The following DOCK3 variants were observed in gnomAD, a reference collection of about 807,000 sequenced individuals.
The protein encoded by DOCK3 is dedicator of cytokinesis protein 3.
Under a neutral mutation model 265.6 loss-of-function variants are expected in DOCK3, and 60 were observed. The ratio of observed to expected loss-of-function variants is 0.23; its 90% CI spans 0.18 to 0.28. The LOEUF is 0.28. DOCK3 is among the 10% of genes least tolerant of loss of function. The probability of loss-of-function intolerance (pLI) is 1.00; values close to 1 mark genes in which losing one functional copy is unlikely to be tolerated. For synonymous variants in DOCK3, 881 were observed against 938.0 expected (o/e 0.94, Z 1.11); for missense variants, 1,981 against 2,594.3 (o/e 0.76, Z 5.14).
At chr3:51,039,883 CTTTTT>C (rs60370676) in intron 5 of DOCK3, among the ~76,000 whole-genome samples, 8 of 99,862 alleles carry the variant, frequency 8.0e-5, no homozygotes, top group African/African-American at 1.9e-4. Context: ...GCTTTGAGGT[CTTTTT>C]TTTTTTTTTT....
At chr3:51,087,116 C>T (rs933947695) in intron 7 of DOCK3, among the ~76,000 whole-genome samples, 1 of 152,164 alleles carries the variant, frequency 6.6e-6, no homozygotes, top group Admixed American at 6.5e-5. Context: ...TTCATCCTAA[C>T]TCATTCTATG....
intron 6 of DOCK3, among the ~76,000 whole-genome samples, chr3:51,066,139 T>G (rs1221669885): frequency 2.0e-5 from 3 of 151,930 alleles, no homozygotes; most frequent in Non-Finnish European, 2.9e-5. Flanking sequence ...AGGCAATACA[T>G]GAGGAAAGAA....
intron 5 of DOCK3, among the ~76,000 whole-genome samples, chr3:50,978,919 C>G (rs2077584234): frequency 6.6e-6 from 1 of 152,200 alleles, no homozygotes; most frequent in African/African-American, 2.4e-5. Flanking sequence ...CAGGTGCTGT[C>G]CGTCACCCCT....
chr3:50,720,743 G>T (rs1250140066), intron 1 of DOCK3, among the ~76,000 whole-genome samples: 1 of 152,312 alleles, frequency 6.6e-6, no homozygotes, highest in South Asian at 2.1e-4. Context: ...GGGTTGAATG[G>T]TAGTTCTGTT....
rs141849975 is a variant in DOCK3, at chr3:50,886,138, G to C, written c.163-3888G>C. ...TATTTTGTGTCTCCCACATTCCCTA[G>C]TTGGTCTGCCTTCTTCTTTCCGCCT... is the stretch of plus-strand genomic sequence containing the variant. On this transcript the variant is annotated intron_variant, in intron 3 of 52. Coordinates refer to ENST00000266037, the MANE Select transcript of DOCK3 (RefSeq NM_004947.5). Among the ~76,000 whole-genome samples, 296 of 150,020 alleles carry C rather than the reference G, an allele frequency of 2.0e-3. 3 individuals are homozygous for C. Among genetic ancestry groups the C allele is most frequent in the African/African-American group, 7.0e-3 (289 of 41,084 alleles).
intron 14 of DOCK3, among the ~76,000 whole-genome samples, chr3:51,221,239 C>G (rs769090431): frequency 7.2e-4 from 110 of 152,292 alleles, no homozygotes; most frequent in Middle Eastern, 6.8e-3. Context: ...GCCCCAGGTT[C>G]ATTACCTTGC....
chr3:51,161,300 T>C (rs1039472124), intron 12 of DOCK3, among the ~76,000 whole-genome samples: 8 of 150,788 alleles, frequency 5.3e-5, no homozygotes, highest in Non-Finnish European at 1.0e-4. Context: ...AAAAATTAGC[T>C]GGGTGTGGTG....
intron 5 of DOCK3, among the ~76,000 whole-genome samples, chr3:50,968,217 A>C (rs926154875): frequency 2.0e-5 from 3 of 152,138 alleles, no homozygotes; most frequent in Non-Finnish European, 4.4e-5. Context: ...CCCAGGCTGG[A>C]GTGCAGTGGC....
At chr3:50,925,436 G>A (rs572247614) in intron 4 of DOCK3, among the ~76,000 whole-genome samples, 32 of 152,236 alleles carry the variant, frequency 2.1e-4, no homozygotes, top group Non-Finnish European at 3.8e-4. Context: ...TTGGGTCCTC[G>A]GGAGGCTGAG....
chr3:51,293,297 G>A (rs1177046106), intron 27 of DOCK3, among the ~76,000 whole-genome samples: 1 of 152,116 alleles, frequency 6.6e-6, no homozygotes, highest in Non-Finnish European at 1.5e-5. Flanking sequence ...CAATAGAAGA[G>A]GATAGTGAGC....
In DOCK3 at chr3:51,191,563, C is replaced by T. The variant is rs187443801; in HGVS notation, c.1038-17211C>T. Among the ~76,000 whole-genome samples, 339 of 152,108 alleles carry T rather than the reference C, an allele frequency of 2.2e-3. 1 individual carries two copies. Among genetic ancestry groups the T allele is most frequent in the African/African-American group, 7.9e-3 (329 of 41,518 alleles). On this transcript the variant is annotated intron_variant, in intron 12 of 52. Transcript: ENST00000266037. ...CCAGTGGTGGTGTATATCCTAGAGG[C>T]AGTGTCTCCCCTTCTCACACTCTGA...
chr3:51,030,022 A>G (rs1485309265), intron 5 of DOCK3, among the ~76,000 whole-genome samples: 1 of 152,082 alleles, frequency 6.6e-6, no homozygotes, highest in Admixed American at 6.5e-5. Context: ...TAAGCAGATT[A>G]TCAGAGGGGG....
rs559482952 is a variant in DOCK3 at position 50,987,461 on chromosome 3, A to C, written c.315+53384A>C. On this transcript the variant is annotated intron_variant, in intron 5 of 52. Coordinates refer to ENST00000266037, the MANE Select transcript of DOCK3 (RefSeq NM_004947.5). Reference sequence around the variant, plus strand: ...CATTTTTAGAGGAGAATACTGAAGCACAAAAACATTACAACCTACCCAGGG... The same window carrying C: ...CATTTTTAGAGGAGAATACTGAAGCCCAAAAACATTACAACCTACCCAGGG... 2.6e-5 allele frequency among the ~76,000 whole-genome samples: 4 copies of C among 152,346 alleles called. 1 individual carries two copies. Among genetic ancestry groups the C allele is most frequent in the African/African-American group, 9.6e-5 (4 of 41,576 alleles).
chr3:50,845,745 A>G (rs1478930365), intron 3 of DOCK3, among the ~76,000 whole-genome samples: 1 of 152,150 alleles, frequency 6.6e-6, no homozygotes, highest in Admixed American at 6.5e-5. Flanking sequence ...TTTACTGTCA[A>G]GAGAATCGCT....
At chr3:50,881,171 A>T (rs1315970515) in intron 3 of DOCK3, 2 of 152,244 alleles carry the variant, frequency 1.3e-5, no homozygotes, top group Non-Finnish European at 2.9e-5. Flanking sequence ...AGCCAATGTC[A>T]TACTGAATGG....
intron 1 of DOCK3, among the ~76,000 whole-genome samples, chr3:50,764,232 A>C (rs1487864791): frequency 6.6e-6 from 1 of 152,142 alleles, no homozygotes; most frequent in Admixed American, 6.6e-5. Flanking sequence ...ATATTATTGC[A>C]TAATAAACAG....
At chr3:50,708,448 G>C (rs2036552007) in intron 1 of DOCK3, among the ~76,000 whole-genome samples, 2 of 152,340 alleles carry the variant, frequency 1.3e-5, no homozygotes, top group Admixed American at 1.3e-4. Context: ...TGATGCTTCA[G>C]GTGGACATGG....
intron 5 of DOCK3, among the ~76,000 whole-genome samples, chr3:51,001,236 C>T (rs1197225468): frequency 6.6e-6 from 1 of 152,116 alleles, no homozygotes; most frequent in African/African-American, 2.4e-5. Flanking sequence ...GTAGGTGGCC[C>T]TCATCCAATT....
intron 12 of DOCK3, among the ~76,000 whole-genome samples, chr3:51,163,112 G>A (rs184951424): frequency 2.0e-5 from 3 of 152,260 alleles, no homozygotes; most frequent in East Asian, 3.9e-4. Context: ...CATTTTTGTT[G>A]GTTAGATTGA....
Sources: allele counts gnomAD v4.1 joint callset (sites outside exome capture counted in the v4.1 genomes callset), GRCh38; gene constraint gnomAD v4.1.1; transcripts MANE v1.5; gene names NCBI Gene and HGNC (gene_info 2026-07-23, HGNC 2026-07-21).